CYTH3: variants seen among roughly 807,000 people sequenced by gnomAD.
CYTH3 encodes the protein cytohesin-3.
Under a neutral mutation model 55.1 loss-of-function variants are expected in CYTH3, and 23 were observed. The ratio of observed to expected loss-of-function variants is 0.42; its 90% CI spans 0.30 to 0.59. The LOEUF is 0.59. Among genes scored for constraint, CYTH3 ranks in the 20% least tolerant of loss-of-function variants. CYTH3 has a pLI of 0.20. For synonymous variants in CYTH3, 249 were observed against 194.9 expected (o/e 1.28, Z -2.31); for missense variants, 413 against 524.8 (o/e 0.79, Z 2.08).
intron 4 of CYTH3, among the ~76,000 whole-genome samples, chr7:6,178,315 G>A (rs374776176): frequency 6.6e-6 from 1 of 152,216 alleles, no homozygotes; most frequent in Non-Finnish European, 1.5e-5. Flanking sequence ...GGCCACTGCC[G>A]GTTGGCCAAC....
At chr7:6,236,252 G>A (rs182726405) in intron 1 of CYTH3, among the ~76,000 whole-genome samples, 18 of 152,060 alleles carry the variant, frequency 1.2e-4, no homozygotes, top group Middle Eastern at 3.4e-3. Context: ...TGCCCAGGCT[G>A]GAGTACAGTG....
chr7:6,167,612 C>A lies in CYTH3; in HGVS notation c.824-1802G>T, dbSNP rs2128536196. ...GCTTGAAGCCCCCCAAAGGGTCCCACTGCACTCAGCTTTAAACCCAACTCC... is the reference window on the plus strand; with the variant it reads ...GCTTGAAGCCCCCCAAAGGGTCCCAATGCACTCAGCTTTAAACCCAACTCC... On this transcript the variant is annotated intron_variant, in intron 9 of 12. Coordinates refer to ENST00000350796, the MANE Select transcript of CYTH3 (RefSeq NM_004227.4). This position sits in a 1 kb window ranked among gnomAD's most constrained non-coding sequence, Gnocchi z 5.5. Among the ~76,000 whole-genome samples the A allele has an allele frequency of 6.6e-6, 1 of 152,382 alleles. No individual in the cohort carries two copies. The highest frequency in any genetic ancestry group is 3.4e-3 in the Middle Eastern group (1 of 294).
chr7:6,165,724 C>T lies in CYTH3; in HGVS notation c.900+10G>A. 6.2e-7 allele frequency: 1 copy of T among 1,614,138 alleles called. No homozygotes were observed. Among genetic ancestry groups the T allele is most frequent in the South Asian group, 1.1e-5 (1 of 91,080 alleles). ...CTGGGAGGCGGCAAGGAGGCCTGGC[C>T]CTTACTTACTGTTGTGTATTCAAAG... On this transcript the variant is annotated intron_variant, in intron 10 of 12. Coordinates refer to ENST00000350796, the MANE Select transcript of CYTH3 (RefSeq NM_004227.4).
At chr7:6,196,322 A>G (rs903064445) in intron 1 of CYTH3, among the ~76,000 whole-genome samples, 2 of 152,228 alleles carry the variant, frequency 1.3e-5, no homozygotes, top group African/African-American at 4.8e-5. Context: ...AAGCCAATAA[A>G]GAATTTCAAC....
intron 1 of CYTH3, among the ~76,000 whole-genome samples, chr7:6,217,994 G>C (rs1223585052): frequency 6.6e-6 from 1 of 152,028 alleles, no homozygotes; most frequent in Non-Finnish European, 1.5e-5. Context: ...TCCAGCCTGG[G>C]CAACATGACA....
At chr7:6,209,481 T>A (rs1343818565) in intron 1 of CYTH3, among the ~76,000 whole-genome samples, 1 of 152,166 alleles carries the variant, frequency 6.6e-6, no homozygotes, top group East Asian at 1.9e-4. Flanking sequence ...GAAGCTGTCG[T>A]TGGCGGTGCG....
chr7:6,193,638 C>T (rs558630537), intron 1 of CYTH3, among the ~76,000 whole-genome samples: 9 of 152,170 alleles, frequency 5.9e-5, no homozygotes, highest in South Asian at 2.1e-4. Flanking sequence ...GGCTTCACTA[C>T]GTAACTCTGG....
intron 1 of CYTH3, among the ~76,000 whole-genome samples, chr7:6,269,448 G>C (rs1032675864): frequency 6.6e-6 from 1 of 152,128 alleles, no homozygotes; most frequent in Admixed American, 6.6e-5. Context: ...AGGGAGTGAA[G>C]GGGTCAGAGA....
chr7:6,259,787 ATATATAT>A (rs1780269539), intron 1 of CYTH3, among the ~76,000 whole-genome samples: 1 of 15,112 alleles, frequency 6.6e-5, no homozygotes. Flanking sequence ...TATATATAAT[ATATATAT>A]ATATATATAT....
intron 4 of CYTH3, among the ~76,000 whole-genome samples, chr7:6,183,286 C>T (rs1344142745): frequency 6.6e-6 from 1 of 152,226 alleles, no homozygotes; most frequent in Non-Finnish European, 1.5e-5. Context: ...CTTGTATGTG[C>T]TGTGGGGAGT....
intron 1 of CYTH3, among the ~76,000 whole-genome samples, chr7:6,259,772 T>TATAATATATATA (rs1491219669): frequency 6.6e-5 from 2 of 30,502 alleles, no homozygotes; most frequent in East Asian, 1.3e-3. Flanking sequence ...TATATATATA[T>TATAATATATATA]TATATATATA....
intron 1 of CYTH3, among the ~76,000 whole-genome samples, chr7:6,197,458 G>A (rs6974487): frequency 0.013 from 1,952 of 152,262 alleles, 35 homozygotes; most frequent in African/African-American, 0.044. Flanking sequence ...CGAAGTGGGC[G>A]GATCACCTAA....
chr7:6,172,700 G>A (rs1485294779), intron 6 of CYTH3: 3 of 1,102,466 alleles, frequency 2.7e-6, no homozygotes, highest in Non-Finnish European at 3.4e-6. Flanking sequence ...ACAGCTGCAA[G>A]GGCCGCACCA....
Position 6,171,445 on chromosome 7 carries a change from G to T in CYTH3, c.450-131C>A. On this transcript the variant is annotated intron_variant, in intron 6 of 12. Coordinates refer to ENST00000350796, the MANE Select transcript of CYTH3 (RefSeq NM_004227.4). The surrounding 1 kb of genome is among the most constrained non-coding windows in gnomAD (Gnocchi z 6.7). ...GGGGTACAGCTCTGGCAGGGGCTTG[G>T]GGGCGCAGAGACAGAAAGGAGAAGA... 1 of 710,496 alleles carries T rather than the reference G, an allele frequency of 1.4e-6. No homozygotes were observed. Among genetic ancestry groups the T allele is most frequent in the Non-Finnish European group, 2.4e-6 (1 of 420,228 alleles). 44.0% of individuals were successfully genotyped at this position (710,496 alleles called of 1,614,324 possible).
intron 1 of CYTH3, among the ~76,000 whole-genome samples, chr7:6,228,473 C>G (rs765748064): frequency 6.6e-6 from 1 of 152,110 alleles, no homozygotes; most frequent in Non-Finnish European, 1.5e-5. Context: ...ATCAAGTTCT[C>G]AAGTTGTGTG....
chr7:6,220,061 ATT>A (rs112472470), intron 1 of CYTH3, among the ~76,000 whole-genome samples: 1 of 148,578 alleles, frequency 6.7e-6, no homozygotes. Context: ...TAATTTTTGT[ATT>A]TTTTTTTTGG....
chr7:6,252,290 C>G (rs1375867404), intron 1 of CYTH3, among the ~76,000 whole-genome samples: 1 of 152,182 alleles, frequency 6.6e-6, no homozygotes, highest in African/African-American at 2.4e-5. Context: ...CCCTATTTTA[C>G]AAGAGGAGCG....
At position 6,164,552 on chromosome 7, in the gene CYTH3, C is replaced by T. The variant is rs1782929061; in HGVS notation, c.*392G>A. 1.7e-5 allele frequency: 4 copies of T among 234,614 alleles called. No homozygotes were observed. Among genetic ancestry groups the T allele is most frequent in the South Asian group, 7.7e-5 (1 of 13,050 alleles). 14.5% of individuals were successfully genotyped at this position (234,614 alleles called of 1,614,324 possible). A position where few individuals can be genotyped will look rare whatever the true frequency, so the allele number is the denominator to read the frequency against. ...CGTTTGGCATGGTACGAATGAGGCT[C>T]CCGTCTGTGGAATCCGTCCCGTGTC... is the stretch of plus-strand genomic sequence containing the variant. On this transcript the variant is annotated 3_prime_UTR_variant, in exon 13 of 13. Coordinates refer to ENST00000350796, the MANE Select transcript of CYTH3 (RefSeq NM_004227.4).
At chr7:6,245,571 C>A (rs745758331) in intron 1 of CYTH3, among the ~76,000 whole-genome samples, 4 of 152,200 alleles carry the variant, frequency 2.6e-5, no homozygotes, top group Non-Finnish European at 5.9e-5. Context: ...AGCGTTTCTA[C>A]CTCCAAGACC....
Sources: gnomAD v4.1 joint callset for allele counts (sites outside exome capture counted in the v4.1 genomes callset) on GRCh38, gnomAD v4.1.1 for gene constraint, Gnocchi (gnomAD v3.1) non-coding constraint, MANE v1.5 for transcripts, NCBI Gene and HGNC (gene_info 2026-07-23, HGNC 2026-07-21) for gene names.